The following SHE variants were observed in gnomAD, a reference collection of about 807,000 sequenced individuals.
SHE encodes the protein Src homology 2 domain containing E.
A neutral mutation model predicts 49.8 loss-of-function variants in SHE; 11 were observed. The observed-to-expected ratio is 0.22, with a 90% CI of 0.14 to 0.37. The LOEUF (loss-of-function observed/expected upper bound fraction) is 0.37. Among genes scored for constraint, SHE ranks in the 10% least tolerant of loss-of-function variants. The pLI is 1.00. For synonymous variants in SHE, 310 were observed against 278.1 expected (o/e 1.11, Z -1.14); for missense variants, 624 against 655.5 (o/e 0.95, Z 0.52).
In SHE at chr1:154,480,565, C is replaced by G; in HGVS notation, c.*3584G>C. ...CCCCTATCAGCTACCTGCCCACCTCCCCATCCTGCGGCAGAGGCTAGTACA... is the reference window on the plus strand; with the variant it reads ...CCCCTATCAGCTACCTGCCCACCTCGCCATCCTGCGGCAGAGGCTAGTACA... On this transcript the variant is annotated 3_prime_UTR_variant, in exon 6 of 6. Coordinates refer to ENST00000304760, the MANE Select transcript of SHE (RefSeq NM_001010846.3). The G allele has an allele frequency of 1.0e-6, 1 of 985,538 alleles. No homozygotes were observed. The highest frequency in any genetic ancestry group is 1.2e-6 in the Non-Finnish European group (1 of 829,936). The allele number at this position is 985,538 out of a possible 1,614,324, so 61.0% of individuals were successfully genotyped here. A position where few individuals can be genotyped will look rare whatever the true frequency, so the allele number is the denominator to read the frequency against.
At chr1:154,470,884 C>T (rs1462488044) in intron 1 of SHE, among the ~76,000 whole-genome samples, 1 of 151,894 alleles carries the variant, frequency 6.6e-6, no homozygotes, top group African/African-American at 2.4e-5. Flanking sequence ...GTGGCGGTCA[C>T]CTGTGATTCC....
In SHE at chr1:154,481,080, T is replaced by G. The variant is rs1218037798; in HGVS notation, c.*3069A>C. ...GGAAAATACTTGTCTCAAGACAAAA[T>G]GACAAAAAGCCAGAGCATTCAGAGC... On this transcript the variant is annotated 3_prime_UTR_variant, in exon 6 of 6. Transcript: ENST00000304760. 5 of 985,250 alleles carry G rather than the reference T, an allele frequency of 5.1e-6. No homozygotes were observed. Among genetic ancestry groups the G allele is most frequent in the Non-Finnish European group, 6.0e-6 (5 of 829,926 alleles). 61.0% of individuals were successfully genotyped at this position (985,250 alleles called of 1,614,324 possible).
chr1:154,472,611 G>T (rs1162028312), intron 1 of SHE, among the ~76,000 whole-genome samples: 1 of 152,218 alleles, frequency 6.6e-6, no homozygotes, highest in Non-Finnish European at 1.5e-5. Flanking sequence ...AGGAGGCCAG[G>T]TGCCAACCTT....
chr1:154,478,085 GGTCT>G (rs778746319), downstream of SHE, among the ~76,000 whole-genome samples: 10 of 152,014 alleles, frequency 6.6e-5, no homozygotes, highest in Admixed American at 3.3e-4. Context: ...TCAGCGTAAT[GGTCT>G]GTGTCAGGAT....
chr1:154,480,180 T>A lies in SHE; in HGVS notation c.*3969A>T, dbSNP rs1691981903. Reference sequence around the variant, plus strand: ...TTCTAACCAGGTCATAAGGCCAAACTAGTGCTAGTTATGGAAAAATAGGAG... The same window carrying A: ...TTCTAACCAGGTCATAAGGCCAAACAAGTGCTAGTTATGGAAAAATAGGAG... On this transcript the variant is annotated 3_prime_UTR_variant, in exon 6 of 6. Transcript: ENST00000304760. 1.0e-6 allele frequency: 1 copy of A among 985,282 alleles called. No homozygotes were observed. The highest frequency in any genetic ancestry group is 6.1e-5 in the Admixed American group (1 of 16,264). The allele number at this position is 985,282 out of a possible 1,614,324, so 61.0% of individuals were successfully genotyped here.
At position 154,484,209 on chromosome 1, in the gene SHE, CA is replaced by C; in HGVS notation, c.1427del (p.Leu476CysfsTer9). 6.2e-7 allele frequency: 1 copy of C among 1,614,168 alleles called. No individual in the cohort carries two copies. The highest frequency in any genetic ancestry group is 8.5e-7 in the Non-Finnish European group (1 of 1,180,024). On this transcript the variant is annotated frameshift_variant, in exon 6 of 6. Transcript: ENST00000304760. LOFTEE classifies it high-confidence loss of function. ...TCATGTGTTCTGCCCCTTTGAAAGG[CA>C]ACTTTTCATTGGAATAATAGTGTAC... ...EVVHYYSNEK[L>X]PFKGAEHMTL...
At chr1:154,477,922 A>G (rs1471997553), downstream of SHE, among the ~76,000 whole-genome samples, 1 of 151,708 alleles carries the variant, frequency 6.6e-6, no homozygotes, top group Non-Finnish European at 1.5e-5. Flanking sequence ...AAGAAAAGAA[A>G]AGAAAACTCT....
At chr1:154,488,887 G>T (rs1205539941) in intron 3 of SHE, among the ~76,000 whole-genome samples, 164 bp downstream of exon 3, 1 of 152,200 alleles carries the variant, frequency 6.6e-6, no homozygotes, top group Non-Finnish European at 1.5e-5. Flanking sequence ...GCCCAGCCAG[G>T]TGGTCATTCT....
In SHE at chr1:154,484,248, G is replaced by A. The variant is rs770542228; in HGVS notation, c.1389C>T (p.Ser463=). Residue 463 remains serine, a synonymous_variant, in exon 6 of 6, where the codon AGC becomes AGT. Transcript: ENST00000304760. ...AATAATAGTGTACCACTTCAGGGAT[G>A]CTGTCAAACACAGCGCTTGTCTGAT... The part of the protein sequence containing the change: ...TLNQTSAVFD[S]IPEVVHYYSN... 1 of 1,614,216 alleles carries A rather than the reference G, an allele frequency of 6.2e-7. No homozygotes were observed.
chr1:154,498,991 A>T, intron 2 of SHE, 121 bp downstream of exon 2: 1 of 1,301,646 alleles, frequency 7.7e-7, no homozygotes, highest in Non-Finnish European at 1.0e-6. Context: ...CTGTTTCTTC[A>T]AGTCAGCAGG....
chr1:154,496,927 T>A (rs1189081824), intron 2 of SHE, among the ~76,000 whole-genome samples: 1 of 152,170 alleles, frequency 6.6e-6, no homozygotes, highest in Non-Finnish European at 1.5e-5. Context: ...GAATCACAAT[T>A]AAGCATAAAA....
At position 154,480,844 on chromosome 1, in the gene SHE, G is replaced by A; in HGVS notation, c.*3305C>T. ...CTATGGTATCAAAGTAAATAGCAAG[G>A]TCCTTTACTCTCTCTTCTTATAGGC... On this transcript the variant is annotated 3_prime_UTR_variant, in exon 6 of 6. Coordinates refer to ENST00000304760, the MANE Select transcript of SHE (RefSeq NM_001010846.3). 1 of 985,382 alleles carries A rather than the reference G, an allele frequency of 1.0e-6. No individual in the cohort carries two copies. 61.0% of individuals were successfully genotyped at this position (985,382 alleles called of 1,614,324 possible). A position where few individuals can be genotyped will look rare whatever the true frequency, so the allele number is the denominator to read the frequency against.
At chr1:154,495,533 T>C (rs1315703544) in intron 2 of SHE, among the ~76,000 whole-genome samples, 1 of 152,164 alleles carries the variant, frequency 6.6e-6, no homozygotes, top group Non-Finnish European at 1.5e-5. Flanking sequence ...AGGAAAGCCA[T>C]GGGCTTCTCT....
chr1:154,484,445 G>A (rs996648182), intron 5 of SHE, 110 bp from the exon 6 acceptor site: 13 of 881,872 alleles, frequency 1.5e-5, no homozygotes, highest in Middle Eastern at 2.8e-4. Flanking sequence ...CATCCATCCC[G>A]TAATGGTTCT....
At position 154,489,120 on chromosome 1, in the gene SHE, C is replaced by G. The variant is rs201837580; in HGVS notation, c.955G>C (p.Glu319Gln). 8 of 1,613,414 alleles carry G rather than the reference C, an allele frequency of 5.0e-6. No homozygotes were observed. Among genetic ancestry groups the G allele is most frequent in the Non-Finnish European group, 6.8e-6 (8 of 1,179,704 alleles). Residue 319 changes from glutamate to glutamine, a missense_variant, in exon 3 of 6, where the codon GAG becomes CAG. By Grantham distance (29) the Glu-to-Gln change is conservative. Transcript: ENST00000304760. ...TGCTCGTACTCTGCCGCGGGCCTCT[C>G]GTCGTTCTCGGGCAGCCGGCTGTCT... is the stretch of plus-strand genomic sequence containing the variant. ...PPDSRLPEND[E>Q]RPAAEYEQPW...
chr1:154,486,628 G>A lies in SHE; in HGVS notation c.1080C>T (p.His360=). The change falls in exon 4 of 6, where the codon CAC becomes CAT. Residue 360 remains histidine, a synonymous_variant. Coordinates refer to ENST00000304760, the MANE Select transcript of SHE (RefSeq NM_001010846.3). ...TCTGGGTCCAGCTCTTCTGCCGGTG[G>A]TGCTGCCTCACTGTCTCCTCCCTGA... ...PSFREETVRQ[H]HRQKSWTQKI... 6.2e-7 allele frequency: 1 copy of A among 1,614,180 alleles called. No homozygotes were observed. The highest frequency in any genetic ancestry group is 1.1e-5 in the South Asian group (1 of 91,084).
intron 2 of SHE, among the ~76,000 whole-genome samples, chr1:154,491,580 T>C (rs1420291175): frequency 6.6e-6 from 1 of 152,250 alleles, no homozygotes; most frequent in African/African-American, 2.4e-5. Flanking sequence ...CATCCATTTA[T>C]ATGTTGATGT....
chr1:154,484,431 T>C, intron 5 of SHE, 96 bp from the exon 6 acceptor site: 2 of 1,002,256 alleles, frequency 2.0e-6, no homozygotes, highest in Non-Finnish European at 3.0e-6. Context: ...GGTTGATAGG[T>C]TCTCATCCAT....
At chr1:154,470,241 G>A (rs3811447) in exon 2 of SHE, 20 of 1,185,546 alleles carry the variant, frequency 1.7e-5, no homozygotes, top group Middle Eastern at 2.2e-4. Flanking sequence ...GAGGGGGCAC[G>A]GGAGTGGGCA....
Sources: allele counts gnomAD v4.1 joint callset (sites outside exome capture counted in the v4.1 genomes callset), GRCh38; gene constraint gnomAD v4.1.1; transcripts MANE v1.5; gene names NCBI Gene and HGNC (gene_info 2026-07-23, HGNC 2026-07-21).